Variants in DNAH5 observed in about 807,000 individuals in gnomAD.
DNAH5 encodes axonemal beta dynein heavy chain 5.
In DNAH5, 372 loss-of-function variants were observed where a neutral mutation model predicts 518.2. That is an observed-to-expected ratio of 0.72 (90% CI 0.66 to 0.78). The LOEUF (loss-of-function observed/expected upper bound fraction) is 0.78. Among genes scored for constraint, DNAH5 ranks in the 30% least tolerant of loss-of-function variants. The pLI is 0.00. For synonymous variants in DNAH5, 2,039 were observed against 2,025.9 expected, an observed-to-expected ratio of 1.01 and a Z score of -0.17; for missense variants, 5,523 against 5,687.0, an observed-to-expected ratio of 0.97 and a Z score of 0.93.
chr5:13,864,366 C>T (rs756778568), intron 28 of DNAH5, 31 bp downstream of exon 28: 3 of 1,612,486 alleles, frequency 1.9e-6, no homozygotes, highest in South Asian at 2.2e-5. Flanking sequence ...TCCCATGAGA[C>T]CTTGCAATCT....
intron 3 of DNAH5, among the ~76,000 whole-genome samples, chr5:13,925,579 G>A (rs1184814647): frequency 6.6e-6 from 1 of 152,116 alleles, no homozygotes; most frequent in Admixed American, 6.5e-5. Context: ...ATGGCAGCAG[G>A]CAAAGAGAGG....
Position 13,707,997 on chromosome 5 carries a change from A to G in DNAH5, c.13338+126T>C. 8.8e-7 allele frequency: 1 copy of G among 1,133,744 alleles called. No homozygotes were observed. The allele number at this position is 1,133,744 out of a possible 1,614,324, so 70.2% of individuals were successfully genotyped here. ...CTATGGTCTAAAAATACAGGGCTAC[A>G]GGGGGCTTCGTCCCTGTGCAAAAGA... On this transcript the variant is annotated intron_variant, in intron 76 of 78. Transcript: ENST00000265104. The surrounding 1 kb of genome is among the most constrained non-coding windows in gnomAD (Gnocchi z 4.0).
intron 1 of DNAH5, among the ~76,000 whole-genome samples, chr5:13,951,521 A>G (rs114553920): frequency 0.041 from 6,294 of 152,002 alleles, 160 homozygotes; most frequent in African/African-American, 0.057. Flanking sequence ...TGCCTGGCCC[A>G]TATTCTCTCT....
At chr5:13,935,100 G>T (rs1203887364) in intron 1 of DNAH5, among the ~76,000 whole-genome samples, 1 of 152,038 alleles carries the variant, frequency 6.6e-6, no homozygotes, top group Non-Finnish European at 1.5e-5. Context: ...GCAAATGCTT[G>T]GTAGCCAAAA....
intron 58 of DNAH5, among the ~76,000 whole-genome samples, chr5:13,767,641 T>C (rs1752694561): frequency 6.6e-6 from 1 of 152,222 alleles, no homozygotes; most frequent in South Asian, 2.1e-4. Flanking sequence ...TACTTTACTT[T>C]AGCTTTAAAA....
chr5:13,864,374 T>A (rs1366205674), intron 28 of DNAH5, 23 bp downstream of exon 28: 5 of 1,613,096 alleles, frequency 3.1e-6, no homozygotes, highest in Admixed American at 3.3e-5. Flanking sequence ...GACCTTGCAA[T>A]CTTCCATCAC....
intron 36 of DNAH5, 101 bp downstream of exon 36, chr5:13,830,495 TG>T: frequency 7.0e-7 from 1 of 1,426,364 alleles, no homozygotes; most frequent in Non-Finnish European, 9.8e-7. Flanking sequence ...TTTACAAAGT[TG>T]AAAATGATTC....
intron 1 of DNAH5, among the ~76,000 whole-genome samples, chr5:13,985,770 A>G (rs17292523): frequency 0.34 from 52,060 of 151,862 alleles, 9,111 homozygotes; most frequent in East Asian, 0.6. Flanking sequence ...ATAAACAAGT[A>G]AGCCAAGCAA....
At position 13,798,781 on chromosome 5, in the gene DNAH5, T is replaced by C. The variant is rs531389685; in HGVS notation, c.7888-4723A>G. Reference sequence around the variant, plus strand: ...ATTTATTTATTTATTTATTTATTTATTTATTTATTTTGAGACAGTGTCTTG... The same window carrying C: ...ATTTATTTATTTATTTATTTATTTACTTATTTATTTTGAGACAGTGTCTTG... On this transcript the variant is annotated intron_variant, in intron 47 of 78. Transcript: ENST00000265104. Among the ~76,000 whole-genome samples, 97 of 147,834 alleles carry C rather than the reference T, an allele frequency of 6.6e-4. No individual in the cohort carries two copies. The South Asian group carries it at 0.019, about 30-fold the overall frequency.
rs1204980743 is a variant in DNAH5 at position 13,791,949 on chromosome 5, A to G, written c.8448+45T>C. The G allele has an allele frequency of 2.5e-5, 36 of 1,438,754 alleles. 1 individual carries two copies. Among genetic ancestry groups the G allele is most frequent in the Non-Finnish European group, 3.5e-5 (36 of 1,033,814 alleles). The allele number at this position is 1,438,754 out of a possible 1,614,324, so 89.1% of individuals were successfully genotyped here. Reference sequence around the variant, plus strand: ...TCAATAAAAATATTTAGAATATATCATTAATAGCAATGTTATTTGTTTTTC... The same window carrying G: ...TCAATAAAAATATTTAGAATATATCGTTAATAGCAATGTTATTTGTTTTTC... On this transcript the variant is annotated intron_variant, in intron 50 of 78. Coordinates refer to ENST00000265104, the MANE Select transcript of DNAH5 (RefSeq NM_001369.3).
rs763360696 is a variant in DNAH5 at position 13,901,329 on chromosome 5, T to C, written c.1975A>G (p.Ile659Val). The C allele has an allele frequency of 1.8e-5, 29 of 1,614,036 alleles. No homozygotes were observed. The African/African-American group carries it at 2.7e-4, about 15-fold the overall frequency. Residue 659 changes from isoleucine to valine, a missense_variant, in exon 14 of 79, where the codon ATA (isoleucine) becomes GTA (valine). Physicochemically the swap from Ile to Val is conservative, Grantham distance 29. Transcript: ENST00000265104. ...GCCATCCTGTTGTAACTGCGAATTATAGGTTTGGCTTCTGCCGTGCTTAGC... is the reference window on the plus strand; with the variant it reads ...GCCATCCTGTTGTAACTGCGAATTACAGGTTTGGCTTCTGCCGTGCTTAGC... ...AVLSTAEAKP[I>V]IRSYNRMAKV... is the part of the protein sequence containing the mutation.
intron 72 of DNAH5, among the ~76,000 whole-genome samples, chr5:13,718,043 T>C (rs977407324): frequency 2.6e-5 from 4 of 152,114 alleles, no homozygotes; most frequent in Non-Finnish European, 4.4e-5. Flanking sequence ...TTTACTGCCA[T>C]TATCCTTCCA....
At position 13,752,163 on chromosome 5, in the gene DNAH5, T is replaced by G. The variant is rs763085258; in HGVS notation, c.10999A>C (p.Asn3667His). 6 of 1,614,002 alleles carry G rather than the reference T, an allele frequency of 3.7e-6. No individual in the cohort carries two copies. Among genetic ancestry groups the G allele is most frequent in the Non-Finnish European group, 5.1e-6 (6 of 1,179,946 alleles). Residue 3667 changes from asparagine (N) to histidine (H), a missense_variant, in exon 64 of 79, where the codon AAC becomes CAC. By Grantham distance (68) the Asn-to-His change is moderately conservative (BLOSUM62 1). Around this residue, in one of 3 missense-constraint regions of DNAH5, gnomAD observed 5,121 missense variants for 5,223.3 expected, o/e 0.98. Transcript: ENST00000265104. ...DPALDNVLER[N>H]FIKTGSTFKV... ...AAGGTAGACCCAGTTTTAATGAAGT[T>G]TCTTTCCAAAACATTATCTAGTGCT...
At chr5:13,719,134 T>A in intron 71 of DNAH5, 33 bp from the exon 72 acceptor site, 1 of 1,537,022 alleles carries the variant, frequency 6.5e-7, no homozygotes, top group Non-Finnish European at 9.0e-7. Context: ...ATTAGGTAGT[T>A]TTGTATTTCA....
At chr5:13,916,209 C>T (rs1169659852) in intron 9 of DNAH5, 139 bp downstream of exon 9, 2 of 365,666 alleles carry the variant, frequency 5.5e-6, no homozygotes, top group East Asian at 5.1e-5. Context: ...AATTCTATCT[C>T]TATTGATAGC....
At chr5:13,764,845 C>T (rs1265890597) in intron 59 of DNAH5, among the ~76,000 whole-genome samples, 4 of 152,226 alleles carry the variant, frequency 2.6e-5, no homozygotes, top group African/African-American at 9.6e-5. Context: ...GTGTTTCACA[C>T]TGGTGCTGGT....
At chr5:13,846,707 C>T (rs1393013249) in intron 31 of DNAH5, among the ~76,000 whole-genome samples, 1 of 152,128 alleles carries the variant, frequency 6.6e-6, no homozygotes, top group Non-Finnish European at 1.5e-5. Flanking sequence ...TAAGCCTGGG[C>T]ATGTGGGTTG....
chr5:13,694,501 T>G (rs951847897), intron 78 of DNAH5, among the ~76,000 whole-genome samples: 1 of 152,226 alleles, frequency 6.6e-6, no homozygotes, highest in South Asian at 2.1e-4. Flanking sequence ...TAAGTATGTT[T>G]AAAGCCTTAG....
chr5:13,801,386 G>A (rs1758728506), intron 47 of DNAH5, among the ~76,000 whole-genome samples: 1 of 152,142 alleles, frequency 6.6e-6, no homozygotes, highest in Non-Finnish European at 1.5e-5. Flanking sequence ...TATAGTCTGT[G>A]GAATCATGAG....
Sources: gnomAD v4.1 joint callset for allele counts (sites outside exome capture counted in the v4.1 genomes callset) on GRCh38, gnomAD v4.1.1 for gene constraint, gnomAD v4.1.1 regional missense constraint, Gnocchi (gnomAD v3.1) non-coding constraint, MANE v1.5 for transcripts, NCBI Gene and HGNC (gene_info 2026-07-23, HGNC 2026-07-21) for gene names.